SLCO1A2: variants seen among roughly 807,000 people sequenced by gnomAD.
SLCO1A2 encodes solute carrier organic anion transporter family member 1A2, also known as OATP-1.
SLCO1A2 carries 67 observed loss-of-function variants against 69.0 expected under a neutral mutation model. The observed-to-expected ratio is 0.97, with a 90% CI of 0.80 to 1.19. SLCO1A2 has a LOEUF of 1.19. Among genes scored for constraint, SLCO1A2 ranks in the 50% most tolerant of loss-of-function variants. The pLI is 0.00. For synonymous variants in SLCO1A2, 260 were observed against 265.9 expected (o/e 0.98, Z 0.22); for missense variants, 787 against 793.7 (o/e 0.99, Z 0.10).
chr12:21,343,884 C>T (rs969018346), intron 2 of SLCO1A2, among the ~76,000 whole-genome samples: 1 of 152,090 alleles, frequency 6.6e-6, no homozygotes, highest in African/African-American at 2.4e-5. Flanking sequence ...ATCACACCCA[C>T]TAGATGGACA....
intron 2 of SLCO1A2, among the ~76,000 whole-genome samples, chr12:21,343,401 C>T (rs918264786): frequency 4.6e-5 from 7 of 152,082 alleles, no homozygotes; most frequent in African/African-American, 1.7e-4. Flanking sequence ...GTTCTTATTG[C>T]TTATATTCAT....
At chr12:21,358,669 T>A (rs1182772842) in intron 2 of SLCO1A2, among the ~76,000 whole-genome samples, 5 of 152,006 alleles carry the variant, frequency 3.3e-5, no homozygotes, top group Non-Finnish European at 7.4e-5. Context: ...AAAAATTAAC[T>A]TTGAAACATG....
intron 2 of SLCO1A2, among the ~76,000 whole-genome samples, chr12:21,361,658 G>T (rs1028936489): frequency 2.0e-5 from 3 of 152,202 alleles, no homozygotes; most frequent in Middle Eastern, 3.4e-3. Context: ...AAGAGTAGAC[G>T]AATGGCAGTG....
intron 12 of SLCO1A2, among the ~76,000 whole-genome samples, chr12:21,276,875 C>G (rs1406033211): frequency 6.6e-6 from 1 of 152,232 alleles, no homozygotes; most frequent in Admixed American, 6.5e-5. Context: ...AAAGTAATCA[C>G]CCAGCCCCAC....
chr12:21,296,359 G>A (rs767178567), intron 9 of SLCO1A2, among the ~76,000 whole-genome samples: 12 of 152,056 alleles, frequency 7.9e-5, no homozygotes, highest in Non-Finnish European at 1.5e-4. Context: ...TCCCACCTCA[G>A]CCCTCTAAGT....
chr12:21,266,284 C>T lies in SLCO1A2; in HGVS notation c.*3264G>A, dbSNP rs749809934. 8.5e-5 allele frequency: 13 copies of T among 152,118 alleles called. No individual in the cohort carries two copies. Among genetic ancestry groups the T allele is most frequent in the Non-Finnish European group, 1.6e-4 (11 of 68,020 alleles). The allele number at this position is 152,118 out of a possible 1,614,324, so 9.4% of individuals were successfully genotyped here. The stretch of plus-strand genomic sequence containing the variant: ...TAGTACAGACATAAGAGAATTTCCA[C>T]GGAAAATCCCACTTCAGACTCTACT... On this transcript the variant is annotated 3_prime_UTR_variant, in exon 15 of 15. Coordinates refer to ENST00000683939, the MANE Select transcript of SLCO1A2 (RefSeq NM_001386879.1).
chr12:21,402,789 T>A (rs1320685979), intron 1 of SLCO1A2, among the ~76,000 whole-genome samples: 1 of 152,130 alleles, frequency 6.6e-6, no homozygotes, highest in Non-Finnish European at 1.5e-5. Flanking sequence ...TATAATTACA[T>A]AAATCATGTA....
chr12:21,360,023 A>C (rs1052390306), intron 2 of SLCO1A2, among the ~76,000 whole-genome samples: 14 of 152,224 alleles, frequency 9.2e-5, no homozygotes, highest in African/African-American at 2.7e-4. Flanking sequence ...TGTAAAAAAA[A>C]AAAGTCAGGC....
chr12:21,366,567 A>T (rs1939403347), intron 2 of SLCO1A2, among the ~76,000 whole-genome samples: 1 of 152,108 alleles, frequency 6.6e-6, no homozygotes, highest in Non-Finnish European at 1.5e-5. Context: ...ATAAAAAAGA[A>T]ATATAAACAT....
chr12:21,345,217 C>A (rs1953213980), intron 2 of SLCO1A2, among the ~76,000 whole-genome samples: 1 of 151,828 alleles, frequency 6.6e-6, no homozygotes, highest in Admixed American at 6.6e-5. Flanking sequence ...AAATTCAGTT[C>A]ATTCTTCTGT....
At chr12:21,418,582 G>A (rs1248089582), upstream of SLCO1A2, among the ~76,000 whole-genome samples, 1 of 152,088 alleles carries the variant, frequency 6.6e-6, no homozygotes, top group Non-Finnish European at 1.5e-5. Flanking sequence ...CAAGTGAAAG[G>A]GAAAACCCCT....
rs377059499 is a variant in SLCO1A2, at chr12:21,327,027, A to C, written c.60+7561T>G. Among the ~76,000 whole-genome samples the C allele has an allele frequency of 2.6e-5, 4 of 152,210 alleles. No homozygotes were observed. In the South Asian group the frequency reaches 6.2e-4, roughly 24 times the overall value. On this transcript the variant is annotated intron_variant, in intron 2 of 14. Transcript: ENST00000683939. Reference sequence around the variant, plus strand: ...AGAAGTCTCCACAGTAGCCCCTCCCATCACAGGCCCAGAGGCCTAGGAGGA... The same window carrying C: ...AGAAGTCTCCACAGTAGCCCCTCCCCTCACAGGCCCAGAGGCCTAGGAGGA...
intron 3 of SLCO1A2, 68 bp downstream of exon 3, chr12:21,318,714 T>G: frequency 7.2e-7 from 1 of 1,398,332 alleles, no homozygotes; most frequent in Non-Finnish European, 9.6e-7. Context: ...ATAAGGAGAA[T>G]AAAATTCAGA....
intron 10 of SLCO1A2, 115 bp downstream of exon 10, chr12:21,295,482 G>T: frequency 1.5e-6 from 1 of 685,092 alleles, no homozygotes; most frequent in Non-Finnish European, 2.5e-6. Flanking sequence ...GGAAAAGCAT[G>T]GATTACTATC....
chr12:21,352,470 C>T (rs1938038638), intron 2 of SLCO1A2, among the ~76,000 whole-genome samples: 1 of 152,168 alleles, frequency 6.6e-6, no homozygotes, highest in South Asian at 2.1e-4. Context: ...TCTAATTGAA[C>T]ATTTATTTGA....
intron 2 of SLCO1A2, among the ~76,000 whole-genome samples, chr12:21,345,422 G>A (rs545400987): frequency 5.3e-5 from 8 of 152,122 alleles, no homozygotes; most frequent in Non-Finnish European, 1.2e-4. Context: ...TGATGGGTTC[G>A]TTGGCATGCA....
At chr12:21,419,308 C>A, upstream of SLCO1A2, 1 of 156,950 alleles carries the variant, frequency 6.4e-6, no homozygotes, top group Non-Finnish European at 1.4e-5. Flanking sequence ...TCTGAGGTAC[C>A]GGGTTCATCT....
intron 5 of SLCO1A2, among the ~76,000 whole-genome samples, chr12:21,305,415 G>C (rs1304760654): frequency 6.6e-6 from 1 of 152,234 alleles, no homozygotes; most frequent in Non-Finnish European, 1.5e-5. Context: ...GAGACTGTGA[G>C]GTCCTGACCA....
Position 21,410,279 on chromosome 12 carries a change from AAGAG to A in SLCO1A2, c.-312+7599_-312+7602del, listed in dbSNP as rs200241760. Among the ~76,000 whole-genome samples the A allele has an allele frequency of 1.2e-4, 18 of 150,974 alleles. No individual in the cohort carries two copies. In the South Asian group the frequency reaches 1.3e-3, roughly 10 times the overall value. On this transcript the variant is annotated intron_variant, in intron 1 of 4. Coordinates refer to the SLCO1A2 transcript ENST00000413682. ...GCAATTGCATTTATGCATATTCCTA[AAGAG>A]AGAGAGAGAGAGACAGAATGCATGT...
Sources: allele counts gnomAD v4.1 joint callset (sites outside exome capture counted in the v4.1 genomes callset), GRCh38; gene constraint gnomAD v4.1.1; transcripts MANE v1.5; gene names NCBI Gene and HGNC (gene_info 2026-07-23, HGNC 2026-07-21).